The following MTHFD2L variants were observed in gnomAD, a reference collection of about 807,000 sequenced individuals.
MTHFD2L encodes bifunctional methylenetetrahydrofolate dehydrogenase/cyclohydrolase 2, mitochondrial.
In MTHFD2L, 29 loss-of-function variants were observed where a neutral mutation model predicts 34.9. The ratio of observed to expected loss-of-function variants is 0.83; its 90% CI spans 0.62 to 1.13. The LOEUF (loss-of-function observed/expected upper bound fraction) is 1.13, where lower values mean the gene tolerates loss of function less well. Among genes scored for constraint, MTHFD2L ranks in the 50% most tolerant of loss-of-function variants. MTHFD2L has a pLI of 0.00. For missense variants in MTHFD2L, 481 were observed against 446.5 expected (o/e 1.08, Z -0.70); for synonymous variants, 167 against 155.7 (o/e 1.07, Z -0.54).
intron 3 of MTHFD2L, among the ~76,000 whole-genome samples, chr4:74,196,496 A>C (rs1733489802): frequency 6.6e-6 from 1 of 152,230 alleles, no homozygotes; most frequent in Non-Finnish European, 1.5e-5. Context: ...ATGAGCTTGC[A>C]CTTATCCAAC....
chr4:74,248,212 A>T (rs1159873517), intron 6 of MTHFD2L, among the ~76,000 whole-genome samples: 3 of 151,760 alleles, frequency 2.0e-5, no homozygotes. Context: ...GTCTTGGGAG[A>T]GTGTATGTGT....
chr4:74,158,033 A>C, upstream of MTHFD2L: 4 of 1,486,566 alleles, frequency 2.7e-6, no homozygotes, highest in East Asian at 2.5e-5. Context: ...GGGAAGCGCT[A>C]CTTGCTGCCC....
intron 7 of MTHFD2L, among the ~76,000 whole-genome samples, chr4:74,297,713 T>C (rs537401180): frequency 6.6e-6 from 1 of 152,212 alleles, no homozygotes; most frequent in African/African-American, 2.4e-5. Flanking sequence ...CTTGCTCTCT[T>C]TCAGGCATGA....
chr4:74,187,316 G>A (rs747319581), intron 3 of MTHFD2L, among the ~76,000 whole-genome samples: 3 of 152,026 alleles, frequency 2.0e-5, no homozygotes, highest in Non-Finnish European at 2.9e-5. Flanking sequence ...AAAGAACTGT[G>A]GGATATTTTC....
At chr4:74,261,875 T>A (rs990952028) in intron 6 of MTHFD2L, among the ~76,000 whole-genome samples, 1 of 152,050 alleles carries the variant, frequency 6.6e-6, no homozygotes, top group Non-Finnish European at 1.5e-5. Context: ...GTAGGGATAA[T>A]AACATCTACA....
intron 3 of MTHFD2L, among the ~76,000 whole-genome samples, chr4:74,189,266 T>G (rs1299499439): frequency 2.6e-5 from 4 of 152,098 alleles, no homozygotes; most frequent in Non-Finnish European, 5.9e-5. Context: ...TACCCAATAT[T>G]TTGTTTCAAA....
chr4:74,286,144 C>G (rs562402685), intron 7 of MTHFD2L, among the ~76,000 whole-genome samples: 1 of 152,094 alleles, frequency 6.6e-6, no homozygotes, highest in African/African-American at 2.4e-5. Flanking sequence ...ATCAATATGT[C>G]CAGCTTCTGA....
chr4:74,206,198 G>A (rs1244748903), intron 5 of MTHFD2L, among the ~76,000 whole-genome samples: 1 of 152,068 alleles, frequency 6.6e-6, no homozygotes, highest in Non-Finnish European at 1.5e-5. Context: ...TTTGGGGCAG[G>A]GTGGTGGTGG....
chr4:74,194,086 TCTG>T (rs1424993515), intron 3 of MTHFD2L: 1 of 152,194 alleles, frequency 6.6e-6, no homozygotes, highest in Non-Finnish European at 1.5e-5. Flanking sequence ...TTGCTTCTCC[TCTG>T]GTGAACCACA....
At chr4:74,145,283 C>A (rs532286415) in intron 1 of MTHFD2L, among the ~76,000 whole-genome samples, 2 of 152,136 alleles carry the variant, frequency 1.3e-5, no homozygotes, top group African/African-American at 4.8e-5. Context: ...AAATACTGTA[C>A]AACTATTTAC....
chr4:74,282,266 A>G (rs1353723668), intron 7 of MTHFD2L, among the ~76,000 whole-genome samples: 2 of 152,030 alleles, frequency 1.3e-5, no homozygotes, highest in African/African-American at 4.8e-5. Context: ...TGTGCCTAGG[A>G]GTCTTAGATG....
intron 7 of MTHFD2L, among the ~76,000 whole-genome samples, chr4:74,285,484 A>G (rs1047740610): frequency 6.6e-6 from 1 of 152,130 alleles, no homozygotes; most frequent in Non-Finnish European, 1.5e-5. Context: ...AAAATTTTAA[A>G]TTGCATTCGT....
intron 6 of MTHFD2L, among the ~76,000 whole-genome samples, chr4:74,244,476 A>T (rs935256452): frequency 6.6e-6 from 1 of 151,562 alleles, no homozygotes; most frequent in South Asian, 2.1e-4. Flanking sequence ...AAGCAAAAGC[A>T]GTATCCCCAC....
rs545492290 is a variant in MTHFD2L at position 74,272,642 on chromosome 4, G to T, written c.806-8783G>T. On this transcript the variant is annotated intron_variant, in intron 6 of 7. Coordinates refer to ENST00000325278, the MANE Select transcript of MTHFD2L (RefSeq NM_001144978.3). ...TAATACCGGATTGTTTTATCTGTAGGGGCCTGAATTTGATTTAAGACTTAT... is the reference window on the plus strand; with the variant it reads ...TAATACCGGATTGTTTTATCTGTAGTGGCCTGAATTTGATTTAAGACTTAT... Among the ~76,000 whole-genome samples the T allele has an allele frequency of 1.2e-4, 18 of 152,154 alleles. 1 individual carries two copies. In the South Asian group the frequency reaches 3.1e-3, roughly 26 times the overall value.
intron 1 of MTHFD2L, among the ~76,000 whole-genome samples, chr4:74,165,452 G>T (rs995902307): frequency 2.6e-5 from 4 of 152,196 alleles, no homozygotes; most frequent in African/African-American, 9.6e-5. Context: ...CCGCCTCCTG[G>T]GTTCAAGTGA....
At chr4:74,275,797 TTGTTCTTTTCTTGTAAA>T (rs1420319771) in intron 6 of MTHFD2L, among the ~76,000 whole-genome samples, 1 of 152,110 alleles carries the variant, frequency 6.6e-6, no homozygotes, top group African/African-American at 2.4e-5. Context: ...ATGGGGTTGT[TTGTTCTTTTCTTGTAAA>T]TTTTTTAAAA....
intron 6 of MTHFD2L, among the ~76,000 whole-genome samples, chr4:74,226,963 T>C (rs1739270005): frequency 1.3e-5 from 2 of 152,180 alleles, no homozygotes; most frequent in Non-Finnish European, 2.9e-5. Flanking sequence ...AAGATCTTTC[T>C]TGGGAGGTGA....
chr4:74,120,000 A>G (rs1721725228), upstream of MTHFD2L, among the ~76,000 whole-genome samples: 1 of 152,230 alleles, frequency 6.6e-6, no homozygotes, highest in African/African-American at 2.4e-5. Context: ...AAAAAGATGA[A>G]CAAGAAGAAC....
intron 6 of MTHFD2L, among the ~76,000 whole-genome samples, chr4:74,248,323 G>T (rs1231583664): frequency 3.3e-5 from 5 of 152,166 alleles, no homozygotes; most frequent in African/African-American, 9.7e-5. Context: ...GATCAGTGGT[G>T]ATATCCCCTG....
Sources: gnomAD v4.1 joint callset for allele counts (sites outside exome capture counted in the v4.1 genomes callset) on GRCh38, gnomAD v4.1.1 for gene constraint, MANE v1.5 for transcripts, NCBI Gene and HGNC (gene_info 2026-07-23, HGNC 2026-07-21) for gene names.